The following PITPNC1 variants were observed in gnomAD, a reference collection of about 807,000 sequenced individuals.
PITPNC1 encodes the protein phosphatidylinositol transfer protein cytoplasmic 1.
Under a neutral mutation model 44.7 loss-of-function variants are expected in PITPNC1, and 18 were observed. The observed-to-expected ratio is 0.40, with a 90% CI of 0.28 to 0.60. PITPNC1 has a LOEUF of 0.60. PITPNC1 is among the 20% of genes least tolerant of loss of function. PITPNC1 has a pLI of 0.39. For synonymous variants in PITPNC1, 141 were observed against 149.6 expected, an observed-to-expected ratio of 0.94 and a Z score of 0.42; for missense variants, 290 against 418.4, an observed-to-expected ratio of 0.69 and a Z score of 2.68.
intron 1 of PITPNC1, among the ~76,000 whole-genome samples, chr17:67,427,009 G>A (rs543230623): frequency 2.4e-4 from 37 of 152,224 alleles, no homozygotes; most frequent in African/African-American, 5.8e-4. Flanking sequence ...GCAAACATAA[G>A]TTTTGAGGTC....
At chr17:67,616,315 A>T (rs1490927929) in intron 5 of PITPNC1, among the ~76,000 whole-genome samples, 5 of 151,954 alleles carry the variant, frequency 3.3e-5, no homozygotes. Context: ...AAATTTTTGT[A>T]TTTTTAGTAC....
chr17:67,554,880 C>T (rs1176089905), intron 4 of PITPNC1, among the ~76,000 whole-genome samples: 2 of 152,164 alleles, frequency 1.3e-5, no homozygotes, highest in Non-Finnish European at 2.9e-5. Context: ...CACTGGTCCT[C>T]GACTATGTTC....
intron 1 of PITPNC1, among the ~76,000 whole-genome samples, chr17:67,532,486 A>G (rs1168770832): frequency 1.3e-5 from 2 of 152,220 alleles, no homozygotes; most frequent in Non-Finnish European, 2.9e-5. Flanking sequence ...TTAACCCTGT[A>G]GAATGCAAAG....
intron 1 of PITPNC1, among the ~76,000 whole-genome samples, chr17:67,430,287 C>T (rs1424384542): frequency 1.3e-5 from 2 of 150,180 alleles, no homozygotes; most frequent in Non-Finnish European, 3.0e-5. Flanking sequence ...GGGAGGGTCA[C>T]TTGAGGTCAG....
At chr17:67,514,718 C>T (rs1197872208) in intron 1 of PITPNC1, among the ~76,000 whole-genome samples, 1 of 152,060 alleles carries the variant, frequency 6.6e-6, no homozygotes, top group Non-Finnish European at 1.5e-5. Context: ...CCCAGCTACT[C>T]TGGTGGCTGA....
intron 5 of PITPNC1, among the ~76,000 whole-genome samples, chr17:67,604,493 C>T (rs2041583659): frequency 6.6e-6 from 1 of 152,168 alleles, no homozygotes; most frequent in African/African-American, 2.4e-5. Context: ...AAAAATAAAA[C>T]AGTCCTAGGC....
intron 1 of PITPNC1, among the ~76,000 whole-genome samples, chr17:67,391,061 G>A (rs111729690): frequency 9.8e-5 from 7 of 71,680 alleles, no homozygotes; most frequent in Admixed American, 1.2e-4. Flanking sequence ...CTTTTTTAGC[G>A]TGTGTGTGTG....
intron 7 of PITPNC1, among the ~76,000 whole-genome samples, chr17:67,670,750 CAAAA>C (rs61094990): frequency 3.3e-5 from 2 of 60,502 alleles, no homozygotes; most frequent in East Asian, 5.3e-4. Context: ...GACTCCATCT[CAAAA>C]AAAAAAAAAA....
At chr17:67,565,246 A>T (rs2040960079) in intron 4 of PITPNC1, among the ~76,000 whole-genome samples, 1 of 141,020 alleles carries the variant, frequency 7.1e-6, no homozygotes, top group African/African-American at 2.7e-5. Flanking sequence ...CTAATTTTCC[A>T]TGGTTTTCGG....
At chr17:67,688,717 T>C (rs2042867130) in intron 8 of PITPNC1, among the ~76,000 whole-genome samples, 1 of 152,170 alleles carries the variant, frequency 6.6e-6, no homozygotes. Flanking sequence ...TTTAGAAATG[T>C]TGGGCCCCAG....
intron 6 of PITPNC1, among the ~76,000 whole-genome samples, chr17:67,663,546 C>A (rs1278759511): frequency 6.7e-6 from 1 of 148,488 alleles, no homozygotes. Context: ...CCAGCCTGGG[C>A]AACACAGCGA....
In PITPNC1 at chr17:67,608,643, G is replaced by A. The variant is rs535799838; in HGVS notation, c.367-23500G>A. Among the ~76,000 whole-genome samples, 168 of 148,734 alleles carry A rather than the reference G, an allele frequency of 1.1e-3. 2 individuals are homozygous for A. The highest frequency in any genetic ancestry group is 4.0e-3 in the African/African-American group (163 of 40,314). The stretch of plus-strand genomic sequence containing the variant: ...GCAGCTGGGACTACAGGCATGCACC[G>A]TCACACCTGTCTAGTTTTTCTAGTT... On this transcript the variant is annotated intron_variant, in intron 5 of 8. Coordinates refer to ENST00000581322, the MANE Select transcript of PITPNC1 (RefSeq NM_012417.4).
At chr17:67,555,441 C>CA (rs1265622184) in intron 4 of PITPNC1, among the ~76,000 whole-genome samples, 1 of 152,152 alleles carries the variant, frequency 6.6e-6, no homozygotes, top group Admixed American at 6.6e-5. Context: ...GCTGTTAGCA[C>CA]ACTGCCTGTA....
intron 1 of PITPNC1, among the ~76,000 whole-genome samples, chr17:67,384,416 G>C (rs1598599879): frequency 1.4e-5 from 2 of 144,510 alleles, no homozygotes; most frequent in African/African-American, 5.0e-5. Flanking sequence ...GCCCAACAGT[G>C]TTCCTTGTTC....
chr17:67,409,615 T>G (rs903767826), intron 1 of PITPNC1, among the ~76,000 whole-genome samples: 2 of 151,984 alleles, frequency 1.3e-5, no homozygotes, highest in Non-Finnish European at 2.9e-5. Context: ...CCCAACTCAC[T>G]GCAACCTCCA....
At chr17:67,639,612 T>C (rs1185422911) in intron 6 of PITPNC1, among the ~76,000 whole-genome samples, 1 of 152,172 alleles carries the variant, frequency 6.6e-6, no homozygotes, top group Non-Finnish European at 1.5e-5. Flanking sequence ...CAGACAGAAT[T>C]TGATTTTGAA....
chr17:67,460,740 C>CTTTTTTTTTTTTTTTTTTTTTTTTT (rs138545288), intron 1 of PITPNC1, among the ~76,000 whole-genome samples: 1 of 121,534 alleles, frequency 8.2e-6, no homozygotes, highest in Non-Finnish European at 1.6e-5. Context: ...TTCTTTCTTT[C>CTTTTTTTTTTTTTTTTTTTTTTTTT]TTTTTTTTTT....
chr17:67,651,721 G>C (rs880398), intron 6 of PITPNC1, among the ~76,000 whole-genome samples: 10,816 of 152,078 alleles, frequency 0.071, 993 homozygotes, highest in East Asian at 0.21. Context: ...CATCTCCCAA[G>C]CCTCAGCAAC....
chr17:67,492,921 T>C (rs1425936414), intron 1 of PITPNC1, among the ~76,000 whole-genome samples: 2 of 152,158 alleles, frequency 1.3e-5, no homozygotes, highest in Non-Finnish European at 2.9e-5. Context: ...GGCATTTGAG[T>C]TTGGGGCTAC....
Sources: gnomAD v4.1 joint callset for allele counts (sites outside exome capture counted in the v4.1 genomes callset) on GRCh38, gnomAD v4.1.1 for gene constraint, MANE v1.5 for transcripts, NCBI Gene and HGNC (gene_info 2026-07-23, HGNC 2026-07-21) for gene names.